The following NKAIN2 variants were observed in gnomAD, a reference collection of about 807,000 sequenced individuals.
NKAIN2 encodes the protein sodium/potassium transporting ATPase interacting 2.
In NKAIN2, 14 loss-of-function variants were observed where a neutral mutation model predicts 32.6. The ratio of observed to expected loss-of-function variants is 0.43; its 90% CI spans 0.28 to 0.67. The LOEUF (loss-of-function observed/expected upper bound fraction) is 0.67. Among genes scored for constraint, NKAIN2 ranks in the 30% least tolerant of loss-of-function variants. NKAIN2 has a pLI of 0.17. For missense variants in NKAIN2, 198 were observed against 258.3 expected, an observed-to-expected ratio of 0.77 and a Z score of 1.60; for synonymous variants, 80 against 87.2, an observed-to-expected ratio of 0.92 and a Z score of 0.46.
intron 1 of NKAIN2, among the ~76,000 whole-genome samples, chr6:123,887,410 A>G (rs1007664437): frequency 6.6e-6 from 1 of 152,182 alleles, no homozygotes; most frequent in Non-Finnish European, 1.5e-5. Context: ...TAGCACACTT[A>G]TCTTTACATA....
chr6:124,013,764 ACT>A (rs1780443703), intron 1 of NKAIN2, among the ~76,000 whole-genome samples: 1 of 152,130 alleles, frequency 6.6e-6, no homozygotes, highest in South Asian at 2.1e-4. Context: ...AAATGCAGAA[ACT>A]CTTTCCCAAC....
Position 124,709,008 on chromosome 6 carries a change from G to A in NKAIN2, c.474+50622G>A, listed in dbSNP as rs867975513. Among the ~76,000 whole-genome samples, 347 of 142,428 alleles carry A rather than the reference G, an allele frequency of 2.4e-3. 13 individuals are homozygous for A. Among genetic ancestry groups the A allele is most frequent in the African/African-American group, 8.6e-3 (321 of 37,120 alleles). 93.4% of individuals were successfully genotyped at this position (142,428 alleles called of 152,430 possible). On this transcript the variant is annotated intron_variant, in intron 4 of 6. Coordinates refer to ENST00000368417, the MANE Select transcript of NKAIN2 (RefSeq NM_001040214.3). ...GATAGCTCTTATGATTTTGAGATAC[G>A]TCCCGTCAATACCTAATTTATTGAG... is the stretch of plus-strand genomic sequence containing the variant.
chr6:124,664,566 G>T (rs1044959811), intron 4 of NKAIN2, among the ~76,000 whole-genome samples: 1 of 150,786 alleles, frequency 6.6e-6, no homozygotes, highest in South Asian at 2.1e-4. Context: ...AGGCCGAGGC[G>T]GGCGGATCAC....
intron 1 of NKAIN2, among the ~76,000 whole-genome samples, chr6:124,153,561 T>G (rs1414664470): frequency 6.6e-6 from 1 of 151,800 alleles, no homozygotes; most frequent in African/African-American, 2.4e-5. Context: ...TTTGTAATTT[T>G]CAGTGTTGTA....
chr6:124,811,242 A>G (rs908921048), intron 5 of NKAIN2, among the ~76,000 whole-genome samples: 1 of 152,184 alleles, frequency 6.6e-6, no homozygotes, highest in Non-Finnish European at 1.5e-5. Context: ...CTAAATATTC[A>G]GGCTTAGCTT....
chr6:124,369,183 C>CTA (rs1799644992), intron 3 of NKAIN2, among the ~76,000 whole-genome samples: 1 of 152,084 alleles, frequency 6.6e-6, no homozygotes, highest in Non-Finnish European at 1.5e-5. Flanking sequence ...GTCTCTAAAG[C>CTA]CCACTCTATG....
intron 1 of NKAIN2, among the ~76,000 whole-genome samples, chr6:123,845,179 C>T (rs1266952760): frequency 6.6e-6 from 1 of 152,096 alleles, no homozygotes; most frequent in Non-Finnish European, 1.5e-5. Flanking sequence ...TTGCTGGTAG[C>T]TTGCTACACT....
chr6:124,274,507 G>T (rs1794937758), intron 1 of NKAIN2, among the ~76,000 whole-genome samples: 1 of 152,092 alleles, frequency 6.6e-6, no homozygotes, highest in South Asian at 2.1e-4. Context: ...AGGTTCCCCT[G>T]TGTTCAGTTG....
At chr6:124,815,574 AT>A (rs1562400700) in intron 5 of NKAIN2, among the ~76,000 whole-genome samples, 2 of 151,044 alleles carry the variant, frequency 1.3e-5, no homozygotes, top group African/African-American at 4.9e-5. Flanking sequence ...CCAGCCAATA[AT>A]TTTTTTAAGT....
chr6:124,065,435 G>T (rs900353547), intron 1 of NKAIN2, among the ~76,000 whole-genome samples: 1 of 152,094 alleles, frequency 6.6e-6, no homozygotes, highest in African/African-American at 2.4e-5. Context: ...AGTATTAGAT[G>T]GTGGTGCCTT....
intron 4 of NKAIN2, among the ~76,000 whole-genome samples, chr6:124,735,292 A>T (rs1038087043): frequency 2.0e-5 from 3 of 151,940 alleles, no homozygotes; most frequent in Middle Eastern, 3.2e-3. Context: ...TGGGTATATT[A>T]TATAAATTCT....
At chr6:124,036,412 T>A (rs1001421330) in intron 1 of NKAIN2, among the ~76,000 whole-genome samples, 1 of 152,106 alleles carries the variant, frequency 6.6e-6, no homozygotes, top group Non-Finnish European at 1.5e-5. Flanking sequence ...GGTTGCCATT[T>A]CCATTGTAAT....
chr6:124,197,580 G>C (rs1790375865), intron 1 of NKAIN2, among the ~76,000 whole-genome samples: 1 of 152,136 alleles, frequency 6.6e-6, no homozygotes, highest in Non-Finnish European at 1.5e-5. Flanking sequence ...TATCGTATTT[G>C]CTTTTAAAGT....
At chr6:124,286,582 T>C (rs1795551126) in intron 2 of NKAIN2, among the ~76,000 whole-genome samples, 1 of 152,000 alleles carries the variant, frequency 6.6e-6, no homozygotes, top group South Asian at 2.1e-4. Context: ...GTATTTCTAA[T>C]CGTAGTGAGT....
chr6:124,164,119 T>C (rs1203127953), intron 1 of NKAIN2, among the ~76,000 whole-genome samples: 2 of 152,090 alleles, frequency 1.3e-5, no homozygotes, highest in Non-Finnish European at 2.9e-5. Context: ...TTGTGAAAAC[T>C]CAAAAGTTAG....
intron 1 of NKAIN2, among the ~76,000 whole-genome samples, chr6:124,005,223 T>C (rs938033743): frequency 2.0e-5 from 3 of 152,080 alleles, no homozygotes; most frequent in Non-Finnish European, 1.5e-5. Context: ...AGACTCCATC[T>C]CAAAAAACAA....
intron 1 of NKAIN2, among the ~76,000 whole-genome samples, chr6:124,214,470 C>T (rs181826016): frequency 4.7e-4 from 71 of 152,078 alleles, no homozygotes; most frequent in Non-Finnish European, 3.7e-4. Flanking sequence ...AAACTTGTGG[C>T]GGGTGTGGTG....
intron 3 of NKAIN2, among the ~76,000 whole-genome samples, chr6:124,603,689 C>T (rs1782391810): frequency 6.6e-6 from 1 of 151,740 alleles, no homozygotes; most frequent in Non-Finnish European, 1.5e-5. Flanking sequence ...AATAGGGTGA[C>T]CATATAATTT....
At position 123,893,716 on chromosome 6, in the gene NKAIN2, G is replaced by A. The variant is rs1006356732; in HGVS notation, c.54+89462G>A. ...AATTTATTTAAATATTCAAATAAAA[G>A]GCAGCTATGAAGCCTTAAAAGTACA... On this transcript the variant is annotated intron_variant, in intron 1 of 6. Coordinates refer to ENST00000368417, the MANE Select transcript of NKAIN2 (RefSeq NM_001040214.3). 2.6e-5 allele frequency among the ~76,000 whole-genome samples: 4 copies of A among 152,298 alleles called. No individual in the cohort carries two copies. In the South Asian group the frequency reaches 8.3e-4, roughly 32 times the overall value.
Sources: gnomAD v4.1 joint callset for allele counts (sites outside exome capture counted in the v4.1 genomes callset) on GRCh38, gnomAD v4.1.1 for gene constraint, MANE v1.5 for transcripts, NCBI Gene and HGNC (gene_info 2026-07-23, HGNC 2026-07-21) for gene names.